The following OR11G2 variants were observed in gnomAD, a reference collection of about 807,000 sequenced individuals.
OR11G2 encodes the protein olfactory receptor family 11 subfamily G member 2, also known as olfactory receptor 11G2.
In OR11G2, 2 loss-of-function variants were observed where a neutral mutation model predicts 0.9. The observed-to-expected ratio is 2.35, with a 90% confidence interval of 0.96 to 7.38. OR11G2 has a LOEUF of 7.38. OR11G2 is among the 30% of genes most tolerant of loss of function. The pLI, the probability that OR11G2 is intolerant of heterozygous loss-of-function variation, is 0.05. For synonymous variants in OR11G2, 153 were observed against 142.0 expected, an observed-to-expected ratio of 1.08 and a Z score of -0.55; for missense variants, 395 against 371.3, an observed-to-expected ratio of 1.06 and a Z score of -0.52.
At chr14:20,194,398 T>G (rs1879712110) in intron 1 of OR11G2, among the ~76,000 whole-genome samples, 1 of 152,102 alleles carries the variant, frequency 6.6e-6, no homozygotes, top group East Asian at 1.9e-4. Context: ...GACTTATTTT[T>G]GAGACAAAAC....
rs576937485 is a variant in OR11G2 at position 20,198,060 on chromosome 14, C to T, written c.623C>T (p.Pro208Leu). 31 of 1,614,122 alleles carry T rather than the reference C, an allele frequency of 1.9e-5. No individual in the cohort carries two copies. In the African/African-American group the frequency reaches 3.6e-4, roughly 19 times the overall value. Reference protein sequence around the residue: ...VIELVFSVLSPLPVFMLFLFI... With the variant: ...VIELVFSVLSLLPVFMLFLFI... ...GAGCTTGTCTTTTCTGTCTTAAGTC[C>T]TCTGCCTGTCTTTATGCTCTTTCTC... Residue 208 changes from proline (P) to leucine (L), a missense_variant, in exon 2 of 2, where the codon CCT (proline) becomes CTT (leucine). Physicochemically the swap from Pro to Leu is moderately conservative, Grantham distance 98. Coordinates refer to ENST00000641879, the MANE Select transcript of OR11G2 (RefSeq NM_001386033.1).
Position 20,197,648 on chromosome 14 carries a change from T to G in OR11G2, c.211T>G (p.Ser71Ala). 6.2e-7 allele frequency: 1 copy of G among 1,614,066 alleles called. No individual in the cohort carries two copies. The highest frequency in any genetic ancestry group is 8.5e-7 in the Non-Finnish European group (1 of 1,179,976). ...APMYILLANF[S>A]FLEICYVTST... is the part of the protein sequence containing the mutation. ...CATGTACATCCTGCTCGCCAACTTC[T>G]CCTTCTTGGAGATATGTTATGTCAC... The change falls in exon 2 of 2, where the codon TCC (serine) becomes GCC (alanine). Residue 71 changes from serine (S) to alanine (A), a missense_variant. Physicochemically the swap from Ser to Ala is moderately conservative, Grantham distance 99 (BLOSUM62 1). Coordinates refer to ENST00000641879, the MANE Select transcript of OR11G2 (RefSeq NM_001386033.1).
rs991305977 is a variant in OR11G2, at chr14:20,191,139, C to A, written c.-532C>A. The stretch of plus-strand genomic sequence containing the variant: ...TGTAATTCAAGTCCTAGGCTCCTTA[C>A]TCAAATCCACTGTTTTTCTACTATG... On this transcript the variant is annotated 5_prime_UTR_variant, in exon 1 of 2. Coordinates refer to ENST00000641879, the MANE Select transcript of OR11G2 (RefSeq NM_001386033.1). 7 of 152,190 alleles carry A rather than the reference C, an allele frequency of 4.6e-5. No individual in the cohort carries two copies. Among genetic ancestry groups the A allele is most frequent in the Admixed American group, 2.6e-4 (4 of 15,282 alleles). 9.4% of individuals were successfully genotyped at this position (152,190 alleles called of 1,614,324 possible).
rs372289033 is a variant in OR11G2, at chr14:20,199,717, A to G, written c.*1344A>G. The G allele has an allele frequency of 7.9e-5, 12 of 152,140 alleles. No homozygotes were observed. The highest frequency in any genetic ancestry group is 2.9e-4 in the African/African-American group (12 of 41,426). The allele number at this position is 152,140 out of a possible 1,614,324, so 9.4% of individuals were successfully genotyped here. ...CATTCTCACTTCTTCCTTCACTTTCAGGAGATTATCATGTAGCATGTGTCT... is the reference window on the plus strand; with the variant it reads ...CATTCTCACTTCTTCCTTCACTTTCGGGAGATTATCATGTAGCATGTGTCT... On this transcript the variant is annotated 3_prime_UTR_variant, in exon 2 of 2. Transcript: ENST00000641879.
chr14:20,193,754 T>C (rs564436987), intron 1 of OR11G2, among the ~76,000 whole-genome samples: 2 of 152,306 alleles, frequency 1.3e-5, no homozygotes, highest in South Asian at 4.1e-4. Flanking sequence ...CAGAGCTGAG[T>C]AGTTTTGACA....
Position 20,197,989 on chromosome 14 carries a change from C to G in OR11G2, c.552C>G (p.Asp184Glu). The G allele has an allele frequency of 6.2e-7, 1 of 1,606,398 alleles. No homozygotes were observed. The highest frequency in any genetic ancestry group is 1.1e-5 in the South Asian group (1 of 90,574). Residue 184 changes from aspartate (D) to glutamate (E), a missense_variant, in exon 2 of 2, where the codon GAC becomes GAG. Transcript: ENST00000641879. ...GSRIIDHFLC[D>E]PAPLLTLTCK... The stretch of plus-strand genomic sequence containing the variant: ...GGATTATTGACCACTTCCTATGTGA[C>G]CCAGCTCCTCTTCTAACTCTCACTT...
rs779629153 is a variant in OR11G2 at position 20,198,314 on chromosome 14, A to G, written c.877A>G (p.Ile293Val). 6.2e-7 allele frequency: 1 copy of G among 1,605,842 alleles called. No homozygotes were observed. The highest frequency in any genetic ancestry group is 1.1e-5 in the South Asian group (1 of 89,060). The change falls in exon 2 of 2, where the codon ATA (isoleucine) becomes GTA (valine). Residue 293 changes from isoleucine (I) to valine (V), a missense_variant. By Grantham distance (29) the Ile-to-Val change is conservative (BLOSUM62 3). Coordinates refer to ENST00000641879, the MANE Select transcript of OR11G2 (RefSeq NM_001386033.1). ...SVVTPLLNPV[I>V]YSLRNKDMRK... The stretch of plus-strand genomic sequence containing the variant: ...TGTTACCCCACTGCTTAACCCTGTG[A>G]TATATAGTCTTAGGAACAAAGATAT...
chr14:20,199,682 A>G lies in OR11G2; in HGVS notation c.*1309A>G, dbSNP rs1037598614. The G allele has an allele frequency of 2.6e-5, 4 of 152,234 alleles. No individual in the cohort carries two copies. Among genetic ancestry groups the G allele is most frequent in the Admixed American group, 6.5e-5 (1 of 15,286 alleles). The allele number at this position is 152,234 out of a possible 1,614,324, so 9.4% of individuals were successfully genotyped here. On this transcript the variant is annotated 3_prime_UTR_variant, in exon 2 of 2. Transcript: ENST00000641879. The stretch of plus-strand genomic sequence containing the variant: ...CCAGAAAGTTTTTTCTATTCTATCT[A>G]GATTCCATACATTCTCACTTCTTCC...
rs1036927453 is a variant in OR11G2 at position 20,191,625 on chromosome 14, C to T, written c.-46C>T. ...CCAGTTTAGCCCTGTGCCAGGTAAA[C>T]ACTGCTGCTGCTCTCTGTACAGAGG... On this transcript the variant is annotated 5_prime_UTR_variant, in exon 1 of 2. Coordinates refer to ENST00000641879, the MANE Select transcript of OR11G2 (RefSeq NM_001386033.1). The T allele has an allele frequency of 6.6e-6, 1 of 152,262 alleles. No individual in the cohort carries two copies. The highest frequency in any genetic ancestry group is 1.5e-5 in the Non-Finnish European group (1 of 68,068). The allele number at this position is 152,262 out of a possible 1,614,324, so 9.4% of individuals were successfully genotyped here. A position where few individuals can be genotyped will look rare whatever the true frequency, so the allele number is the denominator to read the frequency against.
chr14:20,198,417 A>G lies in OR11G2; in HGVS notation c.*44A>G. The G allele has an allele frequency of 7.1e-7, 1 of 1,406,940 alleles. No homozygotes were observed. Among genetic ancestry groups the G allele is most frequent in the Non-Finnish European group, 9.6e-7 (1 of 1,038,134 alleles). 87.2% of individuals were successfully genotyped at this position (1,406,940 alleles called of 1,614,324 possible). On this transcript the variant is annotated 3_prime_UTR_variant, in exon 2 of 2. Transcript: ENST00000641879. ...CCTTGCGTAATTAATCTTGTCTTTA[A>G]TTTTGGGGTTTAAAAAAAAAACTGG...
Position 20,196,134 on chromosome 14 carries a change from T to C in OR11G2, c.-4-1300T>C, listed in dbSNP as rs537655381. Among the ~76,000 whole-genome samples, 3 of 152,344 alleles carry C rather than the reference T, an allele frequency of 2.0e-5. No individual in the cohort carries two copies. In the East Asian group the frequency reaches 5.8e-4, roughly 29 times the overall value. On this transcript the variant is annotated intron_variant, in intron 1 of 1. Transcript: ENST00000641879. Reference sequence around the variant, plus strand: ...GGCGGAAAGGGTTTACAGTTGTCTCTGGTAATTTTACCTCGTCCTCCCTGG... The same window carrying C: ...GGCGGAAAGGGTTTACAGTTGTCTCCGGTAATTTTACCTCGTCCTCCCTGG...
In OR11G2 at chr14:20,198,180, AC is replaced by A. The variant is rs528205284; in HGVS notation, c.745del (p.Leu249TrpfsTer30). Reference sequence around the variant, plus strand: ...AAGGCTTTCTCCACCTGTGGGTCTCACCTGGCTGTGGTTTCACTGTTCTACG... The same window carrying A: ...AAGGCTTTCTCCACCTGTGGGTCTCACTGGCTGTGGTTTCACTGTTCTACG... Reference protein sequence around the residue: ...RRKAFSTCGSHLAVVSLFYGS... With the variant: ...RRKAFSTCGSXLAVVSLFYGS... On this transcript the variant is annotated frameshift_variant, in exon 2 of 2. Transcript: ENST00000641879. LOFTEE classifies it high-confidence loss of function. 351 of 1,614,068 alleles carry A rather than the reference AC, an allele frequency of 2.2e-4. 5 individuals are homozygous for A. Among genetic ancestry groups the A allele is most frequent in the African/African-American group, 1.4e-3 (105 of 75,004 alleles).
At chr14:20,192,387 AC>A (rs1193704176) in intron 1 of OR11G2, among the ~76,000 whole-genome samples, 1 of 152,206 alleles carries the variant, frequency 6.6e-6, no homozygotes, top group Non-Finnish European at 1.5e-5. Context: ...GACTACTAGA[AC>A]CCCTCCACAA....
intron 1 of OR11G2, 73 bp downstream of exon 1, chr14:20,191,739 T>C (rs952256803): frequency 6.6e-6 from 1 of 152,186 alleles, no homozygotes; most frequent in Non-Finnish European, 1.5e-5. Flanking sequence ...AAGTCAAGCG[T>C]CAAATGGTGA....
Position 20,200,042 on chromosome 14 carries a change from G to A in OR11G2, c.*1669G>A, listed in dbSNP as rs1879869596. 6.6e-6 allele frequency: 1 copy of A among 150,502 alleles called. No individual in the cohort carries two copies. The highest frequency in any genetic ancestry group is 1.5e-5 in the Non-Finnish European group (1 of 67,822). The allele number at this position is 150,502 out of a possible 1,614,324, so 9.3% of individuals were successfully genotyped here. On this transcript the variant is annotated 3_prime_UTR_variant, in exon 2 of 2. Coordinates refer to ENST00000641879, the MANE Select transcript of OR11G2 (RefSeq NM_001386033.1). The stretch of plus-strand genomic sequence containing the variant: ...TTGAACTTTCCCCTAGGCCTGGAGT[G>A]AAAGGTCATGCTATGATTGAAGTGT...
chr14:20,199,967 A>G lies in OR11G2; in HGVS notation c.*1594A>G, dbSNP rs187433136. 6.6e-6 allele frequency: 1 copy of G among 152,190 alleles called. No individual in the cohort carries two copies. The highest frequency in any genetic ancestry group is 2.4e-5 in the African/African-American group (1 of 41,514). The allele number at this position is 152,190 out of a possible 1,614,324, so 9.4% of individuals were successfully genotyped here. On this transcript the variant is annotated 3_prime_UTR_variant, in exon 2 of 2. Transcript: ENST00000641879. Reference sequence around the variant, plus strand: ...GGAAGGCACCCAGTAATTGTAGATCAGTAAAAATAGTCACCCAGAATTTGT... The same window carrying G: ...GGAAGGCACCCAGTAATTGTAGATCGGTAAAAATAGTCACCCAGAATTTGT...
At position 20,197,417 on chromosome 14, in the gene OR11G2, G is replaced by A; in HGVS notation, c.-4-17G>A. On this transcript the variant is annotated splice_polypyrimidine_tract_variant and intron_variant, in intron 1 of 1. Coordinates refer to ENST00000641879, the MANE Select transcript of OR11G2 (RefSeq NM_001386033.1). ...GCACCGTCATTCAGTAATTGCTGGT[G>A]CTTTTACAATTCACAGGCACATGAA... The A allele has an allele frequency of 6.2e-7, 1 of 1,613,188 alleles. No individual in the cohort carries two copies. Among genetic ancestry groups the A allele is most frequent in the Admixed American group, 1.7e-5 (1 of 59,994 alleles).
chr14:20,193,104 GTTGTTTTGGTTT>G (rs1879687237), intron 1 of OR11G2, among the ~76,000 whole-genome samples: 1 of 152,030 alleles, frequency 6.6e-6, no homozygotes, highest in Non-Finnish European at 1.5e-5. Flanking sequence ...TGTTTTGTTT[GTTGTTTTGGTTT>G]TTGTTTTGGG....
chr14:20,197,153 C>T (rs528664544), intron 1 of OR11G2, among the ~76,000 whole-genome samples: 44 of 152,222 alleles, frequency 2.9e-4, no homozygotes, highest in African/African-American at 1.0e-3. Flanking sequence ...GGCTTTACAC[C>T]TAGTAAAATG....
Sources: allele counts gnomAD v4.1 joint callset (sites outside exome capture counted in the v4.1 genomes callset), GRCh38; gene constraint gnomAD v4.1.1; transcripts MANE v1.5; gene names NCBI Gene and HGNC (gene_info 2026-07-23, HGNC 2026-07-21).